FOXJ3: variants seen among roughly 807,000 people sequenced by gnomAD.
FOXJ3 encodes the protein forkhead box J3, also known as forkhead box protein J3.
FOXJ3 carries 22 observed loss-of-function variants against 76.1 expected under a neutral mutation model. The ratio of observed to expected loss-of-function variants is 0.29; its 90% CI spans 0.21 to 0.41. FOXJ3 has a LOEUF of 0.41. Ranked by LOEUF, FOXJ3 falls within the 10% of genes least tolerant of loss-of-function variation. FOXJ3 has a pLI of 1.00. For synonymous variants in FOXJ3, 269 were observed against 261.2 expected, an observed-to-expected ratio of 1.03 and a Z score of -0.29; for missense variants, 613 against 762.1, an observed-to-expected ratio of 0.80 and a Z score of 2.30.
chr1:42,253,792 C>A (rs1650324529), intron 4 of FOXJ3, among the ~76,000 whole-genome samples: 1 of 151,942 alleles, frequency 6.6e-6, no homozygotes, highest in Admixed American at 6.5e-5. Context: ...CCCTTCCTTA[C>A]ACCTTATACA....
chr1:42,202,998 A>G (rs962812627), intron 6 of FOXJ3, among the ~76,000 whole-genome samples: 10 of 151,896 alleles, frequency 6.6e-5, no homozygotes, highest in African/African-American at 2.4e-4. Context: ...CCTTTTCCCC[A>G]TGTCCCATTT....
At chr1:42,313,352 A>G (rs1654922520) in intron 1 of FOXJ3, among the ~76,000 whole-genome samples, 1 of 151,560 alleles carries the variant, frequency 6.6e-6, no homozygotes, top group Non-Finnish European at 1.5e-5. Flanking sequence ...AAAAAAAAAA[A>G]GCTTCATACC....
At chr1:42,283,531 A>G (rs905894096) in intron 2 of FOXJ3, among the ~76,000 whole-genome samples, 2 of 152,178 alleles carry the variant, frequency 1.3e-5, no homozygotes, top group Non-Finnish European at 2.9e-5. Flanking sequence ...AGGGGGGCAA[A>G]TGGGTACAGA....
chr1:42,196,166 G>A (rs746127379), intron 7 of FOXJ3, among the ~76,000 whole-genome samples: 3 of 152,162 alleles, frequency 2.0e-5, no homozygotes, highest in Non-Finnish European at 2.9e-5. Flanking sequence ...GCTACTACTC[G>A]AGTAGTCTGT....
chr1:42,273,123 C>CG (rs1298133389), intron 3 of FOXJ3, among the ~76,000 whole-genome samples: 1 of 152,212 alleles, frequency 6.6e-6, no homozygotes, highest in African/African-American at 2.4e-5. Context: ...GTCACATACA[C>CG]AATGGATATT....
chr1:42,192,043 AAAGACAGTGCCTGAACT>A (rs1646558909), intron 8 of FOXJ3, among the ~76,000 whole-genome samples: 1 of 152,176 alleles, frequency 6.6e-6, no homozygotes, highest in Admixed American at 6.5e-5. Flanking sequence ...CCTTTCTTTT[AAAGACAGTGCCTGAACT>A]GAGTCTTGAA....
chr1:42,234,416 C>T (rs1004533138), intron 4 of FOXJ3, among the ~76,000 whole-genome samples: 3 of 152,208 alleles, frequency 2.0e-5, no homozygotes, highest in East Asian at 1.9e-4. Context: ...AGTCATTCTC[C>T]GTCCAGCTTT....
In FOXJ3 at chr1:42,278,668, T is replaced by C. The variant is rs1357072643; in HGVS notation, c.49A>G (p.Thr17Ala). Residue 17 changes from threonine (T) to alanine (A), a missense_variant, in exon 3 of 13, where the codon ACA (threonine) becomes GCA (alanine). Thr to Ala is a moderately conservative substitution (Grantham distance 58, BLOSUM62 0). Transcript: ENST00000361346. ...ACPSVTSLRMTSELESSLTSM... is the reference protein window; with the variant it reads ...ACPSVTSLRMASELESSLTSM... ...GTTAGGCTGCTCTCCAGTTCAGATG[T>C]CATCCTGAAGGTAAATAGACTCCTT... 1.2e-6 allele frequency: 2 copies of C among 1,608,840 alleles called. No individual in the cohort carries two copies. The highest frequency in any genetic ancestry group is 8.5e-7 in the Non-Finnish European group (1 of 1,176,064).
At chr1:42,330,101 C>T (rs2134090) in intron 1 of FOXJ3, among the ~76,000 whole-genome samples, 152,306 of 152,310 alleles carry the variant, frequency 1, 76,151 homozygotes, top group Non-Finnish European at 1. Context: ...ATTTATAAAA[C>T]CTACTTATAA....
intron 2 of FOXJ3, among the ~76,000 whole-genome samples, chr1:42,303,430 T>G (rs1265446175): frequency 6.6e-6 from 1 of 152,198 alleles, no homozygotes; most frequent in Non-Finnish European, 1.5e-5. Context: ...CACATCTGCT[T>G]TATCAATACC....
At chr1:42,304,276 G>C (rs1326089953) in intron 2 of FOXJ3, among the ~76,000 whole-genome samples, 1 of 151,848 alleles carries the variant, frequency 6.6e-6, no homozygotes, top group Non-Finnish European at 1.5e-5. Flanking sequence ...AGGAAAGATA[G>C]TCCACGTTCA....
intron 4 of FOXJ3, among the ~76,000 whole-genome samples, chr1:42,249,716 G>A (rs1371749094): frequency 6.6e-6 from 1 of 152,170 alleles, no homozygotes; most frequent in Non-Finnish European, 1.5e-5. Context: ...TATGATGGAG[G>A]TATGAAAATG....
At chr1:42,293,312 G>T (rs1186361979) in intron 2 of FOXJ3, among the ~76,000 whole-genome samples, 1 of 150,778 alleles carries the variant, frequency 6.6e-6, no homozygotes, top group East Asian at 1.9e-4. Flanking sequence ...AGAGTATTTA[G>T]AGAACTCATA....
chr1:42,230,783 G>GA (rs35962424), intron 4 of FOXJ3, among the ~76,000 whole-genome samples: 101,515 of 151,920 alleles, frequency 0.67, 35,607 homozygotes, highest in Admixed American at 0.79. Flanking sequence ...AACCACTGTA[G>GA]AAAATATGGC....
chr1:42,311,336 CA>C (rs1190686167), intron 1 of FOXJ3, among the ~76,000 whole-genome samples: 3 of 152,126 alleles, frequency 2.0e-5, no homozygotes, highest in African/African-American at 7.2e-5. Context: ...AGGAAGCCTA[CA>C]GACATATCAG....
intron 1 of FOXJ3, among the ~76,000 whole-genome samples, chr1:42,312,407 T>G (rs191144663): frequency 5.4e-4 from 82 of 152,312 alleles, no homozygotes; most frequent in African/African-American, 1.9e-3. Flanking sequence ...AACTGGATTT[T>G]GCTGCAAGTT....
In FOXJ3 at chr1:42,199,112, C is replaced by A; in HGVS notation, c.749G>T (p.Ser250Ile). The A allele has an allele frequency of 6.2e-7, 1 of 1,613,504 alleles. No individual in the cohort carries two copies. Among genetic ancestry groups the A allele is most frequent in the Admixed American group, 1.7e-5 (1 of 60,008 alleles). Residue 250 changes from serine (S) to isoleucine (I), a missense_variant, in exon 7 of 13, where the codon AGT (serine) becomes ATT (isoleucine). Transcript: ENST00000361346. ...VNLNSVGSVH[S>I]YTPVTSHPES... ...TTCATCAAGACTTACCGGTGTATAA[C>A]TATGCACACTTCCAACACTGTTCAA...
intron 4 of FOXJ3, among the ~76,000 whole-genome samples, chr1:42,229,988 AACCTTTC>A (rs1647935272): frequency 3.9e-5 from 6 of 152,180 alleles, no homozygotes; most frequent in Non-Finnish European, 8.8e-5. Context: ...TTTGTTAGTA[AACCTTTC>A]AATAAAATTA....
intron 4 of FOXJ3, among the ~76,000 whole-genome samples, chr1:42,241,901 G>C (rs1649173693): frequency 1.3e-5 from 2 of 152,066 alleles, no homozygotes; most frequent in South Asian, 4.1e-4. Flanking sequence ...CACCACCAGG[G>C]CCCAAGAACT....
Sources: gnomAD v4.1 joint callset for allele counts (sites outside exome capture counted in the v4.1 genomes callset) on GRCh38, gnomAD v4.1.1 for gene constraint, MANE v1.5 for transcripts, NCBI Gene and HGNC (gene_info 2026-07-23, HGNC 2026-07-21) for gene names.